Variants in SOX5 observed in about 807,000 individuals in gnomAD.
SOX5 encodes transcription factor SOX-5.
SOX5 carries 9 observed loss-of-function variants against 92.0 expected under a neutral mutation model. The observed-to-expected ratio is 0.10, with a 90% CI of 0.06 to 0.17. The LOEUF is 0.17. Among genes scored for constraint, SOX5 ranks in the 10% least tolerant of loss-of-function variants. The probability of loss-of-function intolerance (pLI) is 1.00; values close to 1 mark genes in which losing one functional copy is unlikely to be tolerated. For synonymous variants in SOX5, 344 were observed against 336.3 expected, an observed-to-expected ratio of 1.02 and a Z score of -0.25; for missense variants, 642 against 944.5, an observed-to-expected ratio of 0.68 and a Z score of 4.20.
chr12:23,556,418 G>A (rs1309183406), intron 11 of SOX5, among the ~76,000 whole-genome samples: 1 of 151,888 alleles, frequency 6.6e-6, no homozygotes, highest in Non-Finnish European at 1.5e-5. Flanking sequence ...AATAATATAC[G>A]CTCACTTTAA....
chr12:24,070,429 C>A (rs1941580276), intron 4 of SOX5, among the ~76,000 whole-genome samples: 1 of 152,118 alleles, frequency 6.6e-6, no homozygotes, highest in South Asian at 2.1e-4. Context: ...GGTCCCAGAA[C>A]TAGGTGGGCA....
At chr12:23,730,015 T>C (rs2140820634) in intron 6 of SOX5, among the ~76,000 whole-genome samples, 1 of 152,270 alleles carries the variant, frequency 6.6e-6, no homozygotes, top group East Asian at 1.9e-4. Context: ...GTTGTCATAA[T>C]GAAAGCTGAG....
At position 23,626,729 on chromosome 12, in the gene SOX5, A is replaced by G. The variant is rs2077867614; in HGVS notation, c.1017+14083T>C. ...CTCCATGAGATATAGGTAGATAGCT[A>G]TACTTATAGGTATTTAACAAATAAG... On this transcript the variant is annotated intron_variant, in intron 8 of 14. Transcript: ENST00000451604. Among the ~76,000 whole-genome samples the G allele has an allele frequency of 2.2e-5, 3 of 135,924 alleles. No individual in the cohort carries two copies. The South Asian group carries it at 6.9e-4, about 31-fold the overall frequency. The allele number at this position is 135,924 out of a possible 152,430, so 89.2% of individuals were successfully genotyped here.
intron 4 of SOX5, among the ~76,000 whole-genome samples, chr12:24,006,669 C>T (rs1175632265): frequency 6.6e-6 from 1 of 151,940 alleles, no homozygotes; most frequent in Non-Finnish European, 1.5e-5. Flanking sequence ...TAGGAAGATT[C>T]CTTGTCCATA....
chr12:23,744,117 TA>T (rs1188520025), intron 4 of SOX5, among the ~76,000 whole-genome samples: 5 of 152,174 alleles, frequency 3.3e-5, no homozygotes, highest in African/African-American at 9.6e-5. Context: ...TTTCAACTCC[TA>T]CTTAGCTAAC....
intron 3 of SOX5, among the ~76,000 whole-genome samples, chr12:23,836,360 T>C (rs1445104384): frequency 6.6e-6 from 1 of 151,856 alleles, no homozygotes; most frequent in Non-Finnish European, 1.5e-5. Flanking sequence ...CAAATAAGAA[T>C]CAGAGCTTTT....
Position 24,493,327 on chromosome 12 carries a change from T to C in SOX5, c.-251+69002A>G, listed in dbSNP as rs186219789. On this transcript the variant is annotated intron_variant, in intron 1 of 4. Coordinates refer to the SOX5 transcript ENST00000446891. ...AGTCTGAGAAACCTAGGAGATATGA[T>C]ATTAAATGTAATGTGGTATCATGAA... Among the ~76,000 whole-genome samples, 14 of 152,302 alleles carry C rather than the reference T, an allele frequency of 9.2e-5. No individual in the cohort carries two copies. The East Asian group carries it at 2.7e-3, about 29-fold the overall frequency.
intron 4 of SOX5, among the ~76,000 whole-genome samples, chr12:24,200,662 G>T (rs1246078786): frequency 6.6e-6 from 1 of 152,176 alleles, no homozygotes; most frequent in African/African-American, 2.4e-5. Context: ...TCTCTGGACA[G>T]AAGGATCTTC....
rs192038829 is a variant in SOX5 at position 24,503,843 on chromosome 12, G to A, written c.-251+58486C>T. ...CTGTCAGGGGTTGGTGGGTAGGGGA[G>A]GGATAGCATTAGAAGAAATACCTAA... On this transcript the variant is annotated intron_variant, in intron 1 of 4. Coordinates refer to the SOX5 transcript ENST00000446891. Among the ~76,000 whole-genome samples, 32 of 152,206 alleles carry A rather than the reference G, an allele frequency of 2.1e-4. No homozygotes were observed. The East Asian group carries it at 6.2e-3, about 29-fold the overall frequency.
intron 4 of SOX5, among the ~76,000 whole-genome samples, chr12:23,972,091 A>G (rs1045108287): frequency 6.6e-6 from 1 of 152,146 alleles, no homozygotes; most frequent in Non-Finnish European, 1.5e-5. Context: ...TTAAAATTCT[A>G]TTGCTTTGGC....
chr12:24,210,490 ATCT>A (rs1298259828), intron 4 of SOX5, among the ~76,000 whole-genome samples: 2 of 152,254 alleles, frequency 1.3e-5, no homozygotes, highest in Non-Finnish European at 2.9e-5. Flanking sequence ...ATTTTCAAAC[ATCT>A]TCTCTTTCAA....
intron 2 of SOX5, among the ~76,000 whole-genome samples, chr12:23,855,909 A>T (rs898494821): frequency 1.9e-4 from 29 of 151,980 alleles, no homozygotes; most frequent in Non-Finnish European, 1.6e-4. Flanking sequence ...AGAGCTAAAG[A>T]CCTATTTTTC....
intron 4 of SOX5, among the ~76,000 whole-genome samples, chr12:23,978,553 C>G (rs1400423139): frequency 6.6e-6 from 1 of 152,142 alleles, no homozygotes; most frequent in East Asian, 1.9e-4. Flanking sequence ...ATTATGCAGT[C>G]CTTCGTCACA....
At chr12:23,850,428 C>CAAAAA (rs1377680790) in intron 2 of SOX5, among the ~76,000 whole-genome samples, 1 of 70,478 alleles carries the variant, frequency 1.4e-5, no homozygotes, top group African/African-American at 4.5e-5. Context: ...ACTCTGTCTA[C>CAAAAA]AAAAAAAAAA....
chr12:24,380,996 G>A (rs1957767694), intron 1 of SOX5, among the ~76,000 whole-genome samples: 1 of 152,308 alleles, frequency 6.6e-6, no homozygotes, highest in Middle Eastern at 3.4e-3. Context: ...CAAATTAAGT[G>A]CAGACTTTGC....
upstream of SOX5, among the ~76,000 whole-genome samples, chr12:23,954,555 T>G (rs982170343): frequency 2.0e-5 from 3 of 152,048 alleles, no homozygotes; most frequent in Non-Finnish European, 2.9e-5. Flanking sequence ...ACCTATCACA[T>G]GTAGCTTAAA....
At chr12:24,488,995 C>A (rs1018381930) in intron 1 of SOX5, among the ~76,000 whole-genome samples, 1 of 152,076 alleles carries the variant, frequency 6.6e-6, no homozygotes, top group Non-Finnish European at 1.5e-5. Context: ...GCTAATGCAC[C>A]ATTTGTCTTC....
chr12:23,777,584 C>T (rs1334539282), intron 3 of SOX5, among the ~76,000 whole-genome samples: 2 of 152,024 alleles, frequency 1.3e-5, no homozygotes, highest in African/African-American at 2.4e-5. Context: ...ACAATACATA[C>T]CTTTCTTTGC....
chr12:23,860,891 G>A lies in SOX5; in HGVS notation c.271-14698C>T, dbSNP rs1365159411. ...TCCTTCACTGACTTGGGTCTGCCCT[G>A]TACATTTTTGAAAGTTTATCGTTAT... On this transcript the variant is annotated intron_variant, in intron 2 of 14. Transcript: ENST00000451604. Among the ~76,000 whole-genome samples, 3 of 139,998 alleles carry A rather than the reference G, an allele frequency of 2.1e-5. No individual in the cohort carries two copies. The South Asian group carries it at 6.8e-4, about 32-fold the overall frequency. 91.8% of individuals were successfully genotyped at this position (139,998 alleles called of 152,430 possible). A position where few individuals can be genotyped will look rare whatever the true frequency, so the allele number is the denominator to read the frequency against.
Sources: gnomAD v4.1 joint callset for allele counts (sites outside exome capture counted in the v4.1 genomes callset) on GRCh38, gnomAD v4.1.1 for gene constraint, MANE v1.5 for transcripts, NCBI Gene and HGNC (gene_info 2026-07-23, HGNC 2026-07-21) for gene names.